Variants in MYO18B observed in about 807,000 individuals in gnomAD.
MYO18B encodes the protein myosin XVIIIB, also known as unconventional myosin-XVIIIb.
A neutral mutation model predicts 273.0 loss-of-function variants in MYO18B; 204 were observed. That is an observed-to-expected ratio of 0.75 (90% CI 0.67 to 0.84). The LOEUF (loss-of-function observed/expected upper bound fraction) is 0.84, where lower values mean the gene tolerates loss of function less well. Ranked by LOEUF, MYO18B falls within the 40% of genes least tolerant of loss-of-function variation. The pLI is 0.00. For synonymous variants in MYO18B, 1,330 were observed against 1,305.7 expected (o/e 1.02, Z -0.40); for missense variants, 3,212 against 3,287.6 (o/e 0.98, Z 0.56).
At chr22:25,829,707 G>A (rs951688837) in intron 15 of MYO18B, among the ~76,000 whole-genome samples, 2 of 151,840 alleles carry the variant, frequency 1.3e-5, no homozygotes, top group African/African-American at 2.4e-5. Context: ...ACTCAGTGGC[G>A]CACGCCCATA....
intron 39 of MYO18B, among the ~76,000 whole-genome samples, chr22:25,980,389 C>T (rs1410909417): frequency 1.3e-5 from 2 of 152,088 alleles, no homozygotes; most frequent in Non-Finnish European, 2.9e-5. Context: ...AAGGAAAGAC[C>T]AGAAGCAGGT....
In MYO18B at chr22:26,026,804, C is replaced by T. The variant is rs762290771; in HGVS notation, c.6830C>T (p.Thr2277Ile). ...GSTLGLEDWP[T>I]LPIYQTTGAS... Reference sequence around the variant, plus strand: ...ACGCTGGGCCTAGAGGACTGGCCCACTCTCCCCATTTACCAGACGACTGGG... The same window carrying T: ...ACGCTGGGCCTAGAGGACTGGCCCATTCTCCCCATTTACCAGACGACTGGG... Residue 2277 changes from threonine to isoleucine, a missense_variant, in exon 43 of 44, where the codon ACT (threonine) becomes ATT (isoleucine). Physicochemically the swap from Thr to Ile is moderately conservative, Grantham distance 89 (BLOSUM62 -1). Coordinates refer to ENST00000335473, the MANE Select transcript of MYO18B (RefSeq NM_032608.7). The T allele has an allele frequency of 9.9e-5, 159 of 1,598,014 alleles. No homozygotes were observed. The highest frequency in any genetic ancestry group is 1.3e-4 in the Non-Finnish European group (153 of 1,172,712).
At chr22:25,796,251 A>G (rs369987960) in intron 11 of MYO18B, among the ~76,000 whole-genome samples, 53 of 152,130 alleles carry the variant, frequency 3.5e-4, no homozygotes, top group African/African-American at 9.6e-4. Context: ...CCTATAATCC[A>G]TAAACATCTG....
At chr22:25,849,682 C>T (rs1311907724) in intron 20 of MYO18B, among the ~76,000 whole-genome samples, 3 of 152,116 alleles carry the variant, frequency 2.0e-5, no homozygotes, top group African/African-American at 7.2e-5. Context: ...ATGGTTTGGC[C>T]TTGATTCTGG....
chr22:25,792,380 C>T (rs1305866412), intron 11 of MYO18B, among the ~76,000 whole-genome samples: 3 of 149,584 alleles, frequency 2.0e-5, no homozygotes, highest in East Asian at 2.3e-4. Flanking sequence ...AGATGCTGAG[C>T]GACGGGTAGG....
chr22:26,046,589 C>G, the MYO18B span, among the ~76,000 whole-genome samples: 2 of 152,168 alleles, frequency 1.3e-5, no homozygotes, highest in Non-Finnish European at 2.9e-5. Flanking sequence ...GTTAGAGCAC[C>G]AGCATTTCTT....
At position 26,030,801 on chromosome 22, in the gene MYO18B, C is replaced by T; in HGVS notation, c.*371C>T. On this transcript the variant is annotated 3_prime_UTR_variant, in exon 44 of 44. Coordinates refer to ENST00000335473, the MANE Select transcript of MYO18B (RefSeq NM_032608.7). Reference sequence around the variant, plus strand: ...CTACATGTCTACATGCCATGACCTTCCTCCTCCTCTTCACTTGGCCAGTTT... The same window carrying T: ...CTACATGTCTACATGCCATGACCTTTCTCCTCCTCTTCACTTGGCCAGTTT... The T allele has an allele frequency of 2.5e-6, 1 of 394,156 alleles. No homozygotes were observed. Among genetic ancestry groups the T allele is most frequent in the Non-Finnish European group, 4.5e-6 (1 of 223,820 alleles). 24.4% of individuals were successfully genotyped at this position (394,156 alleles called of 1,614,324 possible).
rs148362438 is a variant in MYO18B at position 25,848,455 on chromosome 22, C to T, written c.3775+803C>T. On this transcript the variant is annotated intron_variant, in intron 20 of 43. Coordinates refer to ENST00000335473, the MANE Select transcript of MYO18B (RefSeq NM_032608.7). Reference sequence around the variant, plus strand: ...AAGTATGAAGGATGGAGGCATAAAACGGGCAGGTTTTCAGGGAAGTGGATT... The same window carrying T: ...AAGTATGAAGGATGGAGGCATAAAATGGGCAGGTTTTCAGGGAAGTGGATT... Among the ~76,000 whole-genome samples the T allele has an allele frequency of 5.6e-4, 86 of 152,234 alleles. No homozygotes were observed. In the East Asian group the frequency reaches 0.011, roughly 19 times the overall value.
chr22:25,895,244 C>T lies in MYO18B; in HGVS notation c.4632C>T (p.Asp1544=), dbSNP rs150188738. ...TGCAGCAATGCGAGGAGAGGCTGGA[C>T]TCGGAGCTGACAGCCAGGAAAGAGC... The part of the protein sequence containing the change: ...KRLQQCEERL[D]SELTARKELE... Residue 1544 remains aspartate, a synonymous_variant, in exon 28 of 44, where the codon GAC becomes GAT. Transcript: ENST00000335473. 1.9e-6 allele frequency: 3 copies of T among 1,606,650 alleles called. No individual in the cohort carries two copies. Among genetic ancestry groups the T allele is most frequent in the Non-Finnish European group, 1.7e-6 (2 of 1,176,660 alleles).
intron 40 of MYO18B, among the ~76,000 whole-genome samples, chr22:26,000,801 T>C (rs1035239258): frequency 5.3e-5 from 8 of 152,144 alleles, no homozygotes; most frequent in Admixed American, 5.2e-4. Context: ...TCACACTTGG[T>C]GTGGACAGTA....
At chr22:26,029,843 G>A (rs184104683) in intron 43 of MYO18B, among the ~76,000 whole-genome samples, 73 of 152,252 alleles carry the variant, frequency 4.8e-4, no homozygotes, top group Non-Finnish European at 6.2e-4. Flanking sequence ...CTAAAGTAAC[G>A]CTGTGGATTT....
intron 1 of MYO18B, among the ~76,000 whole-genome samples, chr22:25,746,310 C>G (rs539567465): frequency 2.6e-5 from 4 of 152,314 alleles, no homozygotes; most frequent in African/African-American, 9.6e-5. Context: ...AGTTCTTTCC[C>G]TGTTACACCT....
intron 32 of MYO18B, among the ~76,000 whole-genome samples, chr22:25,908,793 A>G (rs755463818): frequency 1.3e-5 from 2 of 152,186 alleles, no homozygotes; most frequent in Non-Finnish European, 2.9e-5. Flanking sequence ...CATTTTATCC[A>G]AAGTCTTTGT....
intron 40 of MYO18B, among the ~76,000 whole-genome samples, chr22:25,996,763 C>T (rs9613071): frequency 0.16 from 24,569 of 152,028 alleles, 2,148 homozygotes; most frequent in African/African-American, 0.2. Flanking sequence ...GTGGGAAGGC[C>T]TGAAGAAAAT....
At chr22:25,937,828 G>T (rs1261941563) in intron 34 of MYO18B, among the ~76,000 whole-genome samples, 1 of 152,130 alleles carries the variant, frequency 6.6e-6, no homozygotes, top group African/African-American at 2.4e-5. Context: ...CAGGTGATCT[G>T]CATGCCTCGG....
In MYO18B at chr22:25,785,627, T is replaced by C. The variant is rs13053299; in HGVS notation, c.2376+136T>C. ...GCAAGGGTTGGTCATGTGGAAGAGTTGGCACTGCCTTTGTAGGGTCTCGGC... is the reference window on the plus strand; with the variant it reads ...GCAAGGGTTGGTCATGTGGAAGAGTCGGCACTGCCTTTGTAGGGTCTCGGC... On this transcript the variant is annotated intron_variant, in intron 11 of 43. Coordinates refer to ENST00000335473, the MANE Select transcript of MYO18B (RefSeq NM_032608.7). 482,400 of 836,550 alleles carry C rather than the reference T, an allele frequency of 0.58. 142,588 individuals carry two copies. The highest frequency in any genetic ancestry group is 0.65 in the East Asian group (23,812 of 36,856). The allele number at this position is 836,550 out of a possible 1,614,324, so 51.8% of individuals were successfully genotyped here.
chr22:25,768,934 G>T lies in MYO18B; in HGVS notation c.1018G>T (p.Val340Leu), dbSNP rs779598809. The T allele has an allele frequency of 1.1e-5, 17 of 1,612,178 alleles. No homozygotes were observed. In the Admixed American group the frequency reaches 1.7e-4, roughly 16 times the overall value. ...GPQNKKDKEG[V>L]LLSKAEKTGE... ...CCAGAATAAGAAGGACAAAGAAGGG[G>T]TGCTCTTAAGTAAGGCAGAGAAGAC... Residue 340 changes from valine to leucine, a missense_variant, in exon 4 of 44, where the codon GTG becomes TTG. Val to Leu is a conservative substitution (Grantham distance 32). Transcript: ENST00000335473.
At chr22:25,878,095 T>C (rs2091250738) in intron 25 of MYO18B, 47 bp downstream of exon 25, 1 of 1,421,220 alleles carries the variant, frequency 7.0e-7, no homozygotes, top group South Asian at 1.2e-5. Context: ...TCTTTATGTA[T>C]GTGAGATCTG....
chr22:26,043,897 G>T, the MYO18B span, among the ~76,000 whole-genome samples: 9 of 152,186 alleles, frequency 5.9e-5, no homozygotes, highest in East Asian at 1.4e-3. Flanking sequence ...CCTCCTGAGG[G>T]TTACATGCAC....
Sources: allele counts gnomAD v4.1 joint callset (sites outside exome capture counted in the v4.1 genomes callset), GRCh38; gene constraint gnomAD v4.1.1; transcripts MANE v1.5; gene names NCBI Gene and HGNC (gene_info 2026-07-23, HGNC 2026-07-21).